Variants in SV2C observed in about 807,000 individuals in gnomAD.
The protein encoded by SV2C is solute carrier family 22 member B3.
In SV2C, 49 loss-of-function variants were observed where a neutral mutation model predicts 79.7. That is an observed-to-expected ratio of 0.61 (90% confidence interval 0.49 to 0.78). SV2C has a LOEUF of 0.78. Ranked by LOEUF, SV2C falls within the 30% of genes least tolerant of loss-of-function variation. The pLI, the probability that SV2C is intolerant of heterozygous loss-of-function variation, is 0.00. For missense variants in SV2C, 833 were observed against 912.9 expected (o/e 0.91, Z 1.13); for synonymous variants, 334 against 333.2 (o/e 1.00, Z -0.03).
chr5:75,856,671 G>A, the SV2C span, among the ~76,000 whole-genome samples: 1 of 152,060 alleles, frequency 6.6e-6, no homozygotes, highest in African/African-American at 2.4e-5. Context: ...AGTTGTTTGA[G>A]CACCTTACAT....
chr5:76,313,562 A>T (rs1748527974), intron 12 of SV2C, among the ~76,000 whole-genome samples: 1 of 152,188 alleles, frequency 6.6e-6, no homozygotes, highest in Non-Finnish European at 1.5e-5. Flanking sequence ...GCTCCAAGGA[A>T]GTCCATCTCG....
chr5:76,272,057 C>G (rs1270680413), intron 4 of SV2C, among the ~76,000 whole-genome samples: 1 of 152,046 alleles, frequency 6.6e-6, no homozygotes, highest in East Asian at 1.9e-4. Context: ...TTTCAATTGT[C>G]AAGTGTTAAA....
chr5:76,009,708 G>C, the SV2C span, among the ~76,000 whole-genome samples: 3 of 152,118 alleles, frequency 2.0e-5, no homozygotes, highest in South Asian at 6.2e-4. Flanking sequence ...TAAACATTGG[G>C]TACACATGGA....
intron 2 of SV2C, chr5:76,174,097 T>G: frequency 3.8e-6 from 6 of 1,587,704 alleles, no homozygotes; most frequent in Non-Finnish European, 4.3e-6. Flanking sequence ...CGTATTTTTC[T>G]ACAAAAATTC....
chr5:76,112,395 G>A (rs55740528), intron 1 of SV2C, among the ~76,000 whole-genome samples: 5,673 of 152,270 alleles, frequency 0.037, 352 homozygotes, highest in African/African-American at 0.13. Flanking sequence ...CAGGAGAACA[G>A]CAAGTGCAAA....
chr5:76,158,786 A>G (rs1423776428), intron 2 of SV2C, among the ~76,000 whole-genome samples: 4 of 152,096 alleles, frequency 2.6e-5, no homozygotes, highest in African/African-American at 9.7e-5. Context: ...AACACTTTCT[A>G]ACTCATTATT....
At chr5:76,035,196 C>A in the SV2C span, among the ~76,000 whole-genome samples, 1 of 151,340 alleles carries the variant, frequency 6.6e-6, no homozygotes, top group African/African-American at 2.4e-5. Flanking sequence ...TTCAAAAAAC[C>A]AGCTCCTGGA....
the SV2C span, among the ~76,000 whole-genome samples, chr5:75,946,355 A>G: frequency 6.6e-6 from 1 of 152,046 alleles, no homozygotes; most frequent in Admixed American, 6.6e-5. Flanking sequence ...CTTTGCTTGC[A>G]TTTTTGTCAA....
At chr5:76,018,430 A>G in the SV2C span, among the ~76,000 whole-genome samples, 1 of 152,204 alleles carries the variant, frequency 6.6e-6, no homozygotes, top group African/African-American at 2.4e-5. Flanking sequence ...TAAATTATAC[A>G]TGAATAAACG....
At chr5:76,337,151 C>T (rs1749345853), downstream of SV2C, among the ~76,000 whole-genome samples, 1 of 152,070 alleles carries the variant, frequency 6.6e-6, no homozygotes, top group South Asian at 2.1e-4. Context: ...AATTTCTTTT[C>T]TTACAGATCT....
At chr5:76,320,530 T>C (rs1309655725) in intron 12 of SV2C, among the ~76,000 whole-genome samples, 1 of 152,192 alleles carries the variant, frequency 6.6e-6, no homozygotes, top group Non-Finnish European at 1.5e-5. Flanking sequence ...ATAAGAGAAC[T>C]CTACTTTTTG....
the SV2C span, among the ~76,000 whole-genome samples, chr5:75,996,846 C>A: frequency 7.1e-6 from 1 of 140,532 alleles, no homozygotes; most frequent in Non-Finnish European, 1.6e-5. Flanking sequence ...TATCCTGAGA[C>A]TTTGCTGAAG....
At chr5:76,037,905 A>G in the SV2C span, among the ~76,000 whole-genome samples, 74 of 152,332 alleles carry the variant, frequency 4.9e-4, 1 homozygote, top group Non-Finnish European at 8.2e-4. Context: ...CTCCGTGGGC[A>G]TAGGACCCTC....
At chr5:76,080,038 T>G (rs1435432294), upstream of SV2C, among the ~76,000 whole-genome samples, 1 of 152,162 alleles carries the variant, frequency 6.6e-6, no homozygotes, top group Non-Finnish European at 1.5e-5. Flanking sequence ...TTTTGTTACT[T>G]TTTATTTCTC....
intron 12 of SV2C, among the ~76,000 whole-genome samples, chr5:76,316,055 G>A (rs1748606008): frequency 6.6e-6 from 1 of 152,088 alleles, no homozygotes; most frequent in African/African-American, 2.4e-5. Flanking sequence ...CAAGAATAAT[G>A]GTTCCATGCT....
chr5:76,003,666 G>A, the SV2C span, among the ~76,000 whole-genome samples: 1 of 152,086 alleles, frequency 6.6e-6, no homozygotes, highest in Admixed American at 6.5e-5. Flanking sequence ...AACAAAATAT[G>A]ATGATTAAGT....
the SV2C span, among the ~76,000 whole-genome samples, chr5:75,924,906 GT>G: frequency 6.6e-6 from 1 of 152,000 alleles, no homozygotes; most frequent in Non-Finnish European, 1.5e-5. Flanking sequence ...ACAAAAGGAT[GT>G]TTTGAAGAAT....
At chr5:75,996,835 G>T in the SV2C span, among the ~76,000 whole-genome samples, 48,714 of 132,982 alleles carry the variant, frequency 0.37, 9,969 homozygotes, top group Middle Eastern at 0.55. Flanking sequence ...CATTGATTTT[G>T]TATCCTGAGA....
intron 4 of SV2C, among the ~76,000 whole-genome samples, chr5:76,243,012 T>TAAAAAAAAAAAAAAAA (rs559052290): frequency 1.5e-3 from 76 of 49,924 alleles, no homozygotes; most frequent in Non-Finnish European, 2.0e-3. Context: ...AGACCCCATC[T>TAAAAAAAAAAAAAAAA]AAAAAAAAAA....
Sources: allele counts gnomAD v4.1 joint callset (sites outside exome capture counted in the v4.1 genomes callset), GRCh38; gene constraint gnomAD v4.1.1; transcripts MANE v1.5; gene names NCBI Gene and HGNC (gene_info 2026-07-23, HGNC 2026-07-21).